Variants in TNK2 observed in about 807,000 individuals in gnomAD.
TNK2 encodes activated CDC42 kinase 1.
In TNK2, 83 loss-of-function variants were observed where a neutral mutation model predicts 101.8. The ratio of observed to expected loss-of-function variants is 0.82; its 90% CI spans 0.68 to 0.98. The LOEUF (loss-of-function observed/expected upper bound fraction) is 0.98, where lower values mean the gene tolerates loss of function less well. TNK2 is among the 50% of genes least tolerant of loss of function. TNK2 has a pLI of 0.00. For missense variants in TNK2, 1,665 were observed against 1,483.2 expected (o/e 1.12, Z -2.01); for synonymous variants, 804 against 633.0 (o/e 1.27, Z -4.06).
At position 195,887,055 on chromosome 3, in the gene TNK2, G is replaced by C; in HGVS notation, c.164-8C>G. 6.2e-7 allele frequency: 1 copy of C among 1,613,578 alleles called. No homozygotes were observed. Among genetic ancestry groups the C allele is most frequent in the East Asian group, 2.2e-5 (1 of 44,868 alleles). On this transcript the variant is annotated splice_region_variant and splice_polypyrimidine_tract_variant and intron_variant, in intron 2 of 15. Transcript: ENST00000672887. ...CCCACAGCCGCCGCTGGCCTGCAGG[G>C]AGAGCGGGGAACCGCGTGCTGTGAA...
rs762897057 is a variant in TNK2, at chr3:195,864,217, A to C, written c.3162-30T>G. On this transcript the variant is annotated intron_variant, in intron 15 of 15. Transcript: ENST00000672887. ...AGAATGGGAAACCACCAGCACAGTT[A>C]AACAGTTTACAGAAGGTTCAGCGGG... is the stretch of plus-strand genomic sequence containing the variant. 3 of 1,613,862 alleles carry C rather than the reference A, an allele frequency of 1.9e-6. No homozygotes were observed. The East Asian group carries it at 6.7e-5, about 36-fold the overall frequency.
In TNK2 at chr3:195,877,326, C is replaced by G. The variant is rs998037789; in HGVS notation, c.1256+927G>C. 1.1e-4 allele frequency among the ~76,000 whole-genome samples: 17 copies of G among 152,102 alleles called. 1 individual carries two copies. Among genetic ancestry groups the G allele is most frequent in the Admixed American group, 5.2e-4 (8 of 15,262 alleles). On this transcript the variant is annotated intron_variant, in intron 9 of 15. Coordinates refer to ENST00000672887, the MANE Select transcript of TNK2 (RefSeq NM_001382273.1). ...CCGGGCCTGGGAAGGCTCGGGGTGT[C>G]GGGGCCACAGCGGTGCAGGTCACAC... is the stretch of plus-strand genomic sequence containing the variant.
At chr3:195,900,285 G>C (rs1761069602) in intron 1 of TNK2, among the ~76,000 whole-genome samples, 1 of 151,798 alleles carries the variant, frequency 6.6e-6, no homozygotes, top group African/African-American at 2.4e-5. Context: ...AGGGTGGGAG[G>C]GCAGAGCACA....
chr3:195,873,265 TGGGCAGGGGCAG>T (rs367947707), intron 9 of TNK2, among the ~76,000 whole-genome samples: 281 of 152,084 alleles, frequency 1.8e-3, no homozygotes, highest in African/African-American at 6.1e-3. Flanking sequence ...AGCCGGGGCC[TGGGCAGGGGCAG>T]GGGCAGGGGC....
rs112937233 is a variant in TNK2, at chr3:195,899,050, C to T, written c.-19+9435G>A. On this transcript the variant is annotated intron_variant, in intron 1 of 15. Transcript: ENST00000672887. ...GGCGGAGGTTGCAGTGAGCCAAGAT[C>T]GTACCACTGCACTCCAGCCTGGGCG... Among the ~76,000 whole-genome samples the T allele has an allele frequency of 1.3e-3, 194 of 152,130 alleles. 2 individuals carry two copies. The highest frequency in any genetic ancestry group is 4.4e-3 in the African/African-American group (181 of 41,498).
chr3:195,895,478 G>A (rs962746173), intron 1 of TNK2: 24 of 1,369,462 alleles, frequency 1.8e-5, no homozygotes, highest in African/African-American at 4.6e-5. Flanking sequence ...GCCATCGGCC[G>A]GCGGCCGGGT....
chr3:195,875,386 G>A (rs946382228), intron 9 of TNK2, among the ~76,000 whole-genome samples: 4 of 116,002 alleles, frequency 3.4e-5, no homozygotes. Context: ...ACTCCCCCTC[G>A]GGATGGCGCC....
chr3:195,888,314 C>T lies in TNK2; in HGVS notation c.163+112G>A. ...GCACCTACTGATGTCCCTCCTGCTCCCTCAGGGCTCTGGGACAGAGTTCTC... is the reference window on the plus strand; with the variant it reads ...GCACCTACTGATGTCCCTCCTGCTCTCTCAGGGCTCTGGGACAGAGTTCTC... On this transcript the variant is annotated intron_variant, in intron 2 of 15. Transcript: ENST00000672887. The surrounding 1 kb of genome is among the most constrained non-coding windows in gnomAD (Gnocchi z 5.3). The T allele has an allele frequency of 1.7e-6, 2 of 1,175,420 alleles. No homozygotes were observed. Among genetic ancestry groups the T allele is most frequent in the East Asian group, 2.4e-5 (1 of 41,452 alleles). 72.8% of individuals were successfully genotyped at this position (1,175,420 alleles called of 1,614,324 possible). A position where few individuals can be genotyped will look rare whatever the true frequency, so the allele number is the denominator to read the frequency against.
chr3:195,889,045 A>G (rs929854171), intron 1 of TNK2, among the ~76,000 whole-genome samples: 3 of 152,100 alleles, frequency 2.0e-5, no homozygotes, highest in Non-Finnish European at 4.4e-5. Context: ...AGACCCATCT[A>G]TGGGCTCCTT....
At chr3:195,874,022 A>G (rs1747367588) in intron 9 of TNK2, among the ~76,000 whole-genome samples, 1 of 152,036 alleles carries the variant, frequency 6.6e-6, no homozygotes. Flanking sequence ...CACTCGAAGG[A>G]GCAGAGCCCC....
At chr3:195,897,592 C>T (rs889060332) in intron 1 of TNK2, among the ~76,000 whole-genome samples, 10 of 152,164 alleles carry the variant, frequency 6.6e-5, no homozygotes, top group Admixed American at 5.9e-4. Flanking sequence ...ACCTCTGCCT[C>T]GCAGGCTCAA....
In TNK2 at chr3:195,888,669, T is replaced by C; in HGVS notation, c.-18-63A>G. 6.8e-7 allele frequency: 1 copy of C among 1,470,600 alleles called. No individual in the cohort carries two copies. The highest frequency in any genetic ancestry group is 1.3e-5 in the South Asian group (1 of 78,126). 91.1% of individuals were successfully genotyped at this position (1,470,600 alleles called of 1,614,324 possible). On this transcript the variant is annotated intron_variant, in intron 1 of 15. Transcript: ENST00000672887. The surrounding 1 kb of genome is among the most constrained non-coding windows in gnomAD (Gnocchi z 5.3). ...GGGGGACAACAGGGGCCTGCCCGAG[T>C]GACCTGGGCTCACCTTCATCCCACT...
At position 195,888,609 on chromosome 3, in the gene TNK2, G is replaced by T. The variant is rs778483928; in HGVS notation, c.-18-3C>A. On this transcript the variant is annotated splice_region_variant and splice_polypyrimidine_tract_variant and intron_variant, in intron 1 of 15. Transcript: ENST00000672887. The surrounding 1 kb of genome is among the most constrained non-coding windows in gnomAD (Gnocchi z 5.3). ...TGCATTCTGCCGCCTCCCAGCCTCT[G>T]TGGGGGGAGGAGTGGCTCAGGGACA... The T allele has an allele frequency of 2.5e-6, 4 of 1,605,602 alleles. No homozygotes were observed. The highest frequency in any genetic ancestry group is 2.6e-6 in the Non-Finnish European group (3 of 1,176,446).
intron 5 of TNK2, 86 bp downstream of exon 5, chr3:195,883,071 G>T: frequency 1.3e-6 from 2 of 1,528,162 alleles, no homozygotes; most frequent in Non-Finnish European, 1.8e-6. Context: ...GGGCGCCTCT[G>T]ACCTTAGGAT....
At chr3:195,900,326 C>T (rs1288586266) in intron 1 of TNK2, among the ~76,000 whole-genome samples, 1 of 151,980 alleles carries the variant, frequency 6.6e-6, no homozygotes, top group Non-Finnish European at 1.5e-5. Flanking sequence ...AGGCAGGGCC[C>T]TGCTATGCCT....
rs1398869217 is a variant in TNK2 at position 195,882,948 on chromosome 3, C to G, written c.609+209G>C. Among the ~76,000 whole-genome samples, 1 of 152,176 alleles carries G rather than the reference C, an allele frequency of 6.6e-6. No individual in the cohort carries two copies. Among genetic ancestry groups the G allele is most frequent in the Non-Finnish European group, 1.5e-5 (1 of 68,032 alleles). On this transcript the variant is annotated intron_variant, in intron 5 of 15. Transcript: ENST00000672887. This position sits in a 1 kb window ranked among gnomAD's most constrained non-coding sequence, Gnocchi z 4.2. ...GAGTAACTCTCTTGACACTGAGCACCAGCAAAATCCAGAGACAGACCCGGA... is the reference window on the plus strand; with the variant it reads ...GAGTAACTCTCTTGACACTGAGCACGAGCAAAATCCAGAGACAGACCCGGA...
At chr3:195,900,489 A>G (rs1761090715) in intron 1 of TNK2, among the ~76,000 whole-genome samples, 1 of 152,222 alleles carries the variant, frequency 6.6e-6, no homozygotes, top group Non-Finnish European at 1.5e-5. Flanking sequence ...ATCTGTATCA[A>G]GTCTTGAAAG....
intron 9 of TNK2, among the ~76,000 whole-genome samples, chr3:195,876,004 G>A (rs544676248): frequency 6.9e-4 from 105 of 152,278 alleles, no homozygotes; most frequent in African/African-American, 2.4e-3. Context: ...TTCTCCCTAG[G>A]GGTCCCAGGC....
Position 195,888,086 on chromosome 3 carries a change from A to T in TNK2, c.163+340T>A, listed in dbSNP as rs113463068. On this transcript the variant is annotated intron_variant, in intron 2 of 15. Transcript: ENST00000672887. The surrounding 1 kb of genome is among the most constrained non-coding windows in gnomAD (Gnocchi z 5.3). Reference sequence around the variant, plus strand: ...GCGTTCTCCCTACAGATCTCTGCACATGGACCCCCCGGTAGTCAGAATGAT... The same window carrying T: ...GCGTTCTCCCTACAGATCTCTGCACTTGGACCCCCCGGTAGTCAGAATGAT... Among the ~76,000 whole-genome samples, 34 of 152,166 alleles carry T rather than the reference A, an allele frequency of 2.2e-4. No homozygotes were observed. The highest frequency in any genetic ancestry group is 8.2e-4 in the African/African-American group (34 of 41,464).
Sources: allele counts gnomAD v4.1 joint callset (sites outside exome capture counted in the v4.1 genomes callset), GRCh38; gene constraint gnomAD v4.1.1; non-coding constraint Gnocchi (gnomAD v3.1); transcripts MANE v1.5; gene names NCBI Gene and HGNC (gene_info 2026-07-23, HGNC 2026-07-21).